The following RCAN2 variants were observed in gnomAD, a reference collection of about 807,000 sequenced individuals.
RCAN2 encodes regulator of calcineurin 2, also known as calcipressin-2.
Under a neutral mutation model 23.6 loss-of-function variants are expected in RCAN2, and 9 were observed. That is an observed-to-expected ratio of 0.38 (90% CI 0.23 to 0.67). The LOEUF is 0.67. Among genes scored for constraint, RCAN2 ranks in the 30% least tolerant of loss-of-function variants. RCAN2 has a pLI of 0.51. For synonymous variants in RCAN2, 109 were observed against 115.7 expected, an observed-to-expected ratio of 0.94 and a Z score of 0.37; for missense variants, 273 against 302.3, an observed-to-expected ratio of 0.90 and a Z score of 0.72.
At chr6:46,236,276 C>T (rs1181311534) in intron 4 of RCAN2, among the ~76,000 whole-genome samples, 1 of 152,176 alleles carries the variant, frequency 6.6e-6, no homozygotes, top group East Asian at 1.9e-4. Context: ...ATAATCTGGT[C>T]TTCAAAATGA....
chr6:46,346,605 A>C (rs568604298), intron 2 of RCAN2, among the ~76,000 whole-genome samples: 29 of 152,232 alleles, frequency 1.9e-4, no homozygotes, highest in African/African-American at 7.0e-4. Context: ...TAAAGGAATT[A>C]GTGTCATGGG....
At chr6:46,253,974 ACTCTAT>A (rs1766821807) in intron 2 of RCAN2, among the ~76,000 whole-genome samples, 1 of 152,172 alleles carries the variant, frequency 6.6e-6, no homozygotes, top group East Asian at 1.9e-4. Context: ...GTGTAAATAC[ACTCTAT>A]CATGTTCACA....
intron 2 of RCAN2, among the ~76,000 whole-genome samples, chr6:46,452,317 A>C (rs1485865227): frequency 1.3e-5 from 2 of 152,184 alleles, no homozygotes; most frequent in African/African-American, 4.8e-5. Flanking sequence ...ATCTAGATGG[A>C]CTAATTTATA....
At chr6:46,392,330 A>G (rs900523746) in intron 2 of RCAN2, among the ~76,000 whole-genome samples, 2 of 152,228 alleles carry the variant, frequency 1.3e-5, no homozygotes, top group African/African-American at 2.4e-5. Context: ...AAAACAGAAG[A>G]GTCGACTTCA....
chr6:46,313,986 T>C (rs1763344804), intron 2 of RCAN2, among the ~76,000 whole-genome samples: 1 of 135,182 alleles, frequency 7.4e-6, no homozygotes, highest in Non-Finnish European at 1.6e-5. Context: ...TCTTATTTAT[T>C]CAAGCAACAA....
chr6:46,291,627 TG>T (rs1762565680), intron 2 of RCAN2, among the ~76,000 whole-genome samples: 1 of 150,988 alleles, frequency 6.6e-6, no homozygotes, highest in African/African-American at 2.5e-5. Context: ...CATAGAAATA[TG>T]CCCCTTACAT....
intron 2 of RCAN2, among the ~76,000 whole-genome samples, chr6:46,251,130 G>A (rs535712847): frequency 6.6e-6 from 1 of 151,962 alleles, no homozygotes; most frequent in Admixed American, 6.6e-5. Context: ...TTCCCATCAC[G>A]AACAAAACAA....
At chr6:46,469,765 G>A (rs1582228393) in intron 1 of RCAN2, among the ~76,000 whole-genome samples, 3 of 152,246 alleles carry the variant, frequency 2.0e-5, no homozygotes, top group Middle Eastern at 6.8e-3. Context: ...CAATGTGATG[G>A]TATTCAGAGG....
chr6:46,269,570 G>A (rs1024932767), intron 2 of RCAN2, among the ~76,000 whole-genome samples: 7 of 152,214 alleles, frequency 4.6e-5, no homozygotes, highest in African/African-American at 1.7e-4. Flanking sequence ...TCTCAAGTGC[G>A]TGGAGATCCT....
chr6:46,483,278 C>T (rs1476913152), intron 1 of RCAN2, among the ~76,000 whole-genome samples: 1 of 152,198 alleles, frequency 6.6e-6, no homozygotes, highest in Non-Finnish European at 1.5e-5. Context: ...AGAGGAGCCA[C>T]AGGAAGCTCT....
At chr6:46,443,363 T>A (rs991731151) in intron 2 of RCAN2, among the ~76,000 whole-genome samples, 6 of 152,142 alleles carry the variant, frequency 3.9e-5, no homozygotes, top group African/African-American at 1.4e-4. Flanking sequence ...TTGTTACAGA[T>A]CCCTAGCGTG....
intron 1 of RCAN2, among the ~76,000 whole-genome samples, chr6:46,475,231 A>G (rs1172122433): frequency 3.9e-5 from 6 of 152,170 alleles, no homozygotes; most frequent in African/African-American, 9.7e-5. Flanking sequence ...GCATGTTGCC[A>G]TCCTCTGCTT....
intron 2 of RCAN2, among the ~76,000 whole-genome samples, chr6:46,252,071 G>A (rs977264115): frequency 6.6e-6 from 1 of 152,072 alleles, no homozygotes; most frequent in African/African-American, 2.4e-5. Context: ...GGTGACAGTT[G>A]TCCAAGAATA....
intron 2 of RCAN2, among the ~76,000 whole-genome samples, chr6:46,415,904 T>C (rs1394126751): frequency 6.6e-6 from 1 of 152,220 alleles, no homozygotes; most frequent in Non-Finnish European, 1.5e-5. Context: ...TATAAAATGA[T>C]GTAATATTTG....
intron 1 of RCAN2, among the ~76,000 whole-genome samples, chr6:46,486,959 CTAAT>C (rs1769007782): frequency 6.6e-6 from 1 of 152,116 alleles, no homozygotes; most frequent in Non-Finnish European, 1.5e-5. Context: ...TATTCCTCAA[CTAAT>C]TAATTTAACT....
Position 46,246,733 on chromosome 6 carries a change from G to T in RCAN2, c.571+15C>A. ...CTGACAAACGTTTATTTTTAAAATG[G>T]ACCGCAAAGCTTACCTGGTCCTAGT... On this transcript the variant is annotated intron_variant, in intron 4 of 4. Transcript: ENST00000371374. 6.2e-7 allele frequency: 1 copy of T among 1,607,048 alleles called. No individual in the cohort carries two copies. Among genetic ancestry groups the T allele is most frequent in the South Asian group, 1.1e-5 (1 of 90,142 alleles).
chr6:46,280,655 G>A (rs541561653), intron 2 of RCAN2, among the ~76,000 whole-genome samples: 1 of 152,312 alleles, frequency 6.6e-6, no homozygotes, highest in South Asian at 2.1e-4. Context: ...TGAAGCCTTG[G>A]AGAATACTGC....
chr6:46,321,401 C>T (rs1360418918), intron 2 of RCAN2, among the ~76,000 whole-genome samples: 1 of 152,242 alleles, frequency 6.6e-6, no homozygotes, highest in African/African-American at 2.4e-5. Flanking sequence ...ATGCTCCACA[C>T]ATGTTTTTGA....
At chr6:46,489,522 T>C (rs901344370) in intron 1 of RCAN2, among the ~76,000 whole-genome samples, 3 of 152,196 alleles carry the variant, frequency 2.0e-5, no homozygotes, top group African/African-American at 7.2e-5. Flanking sequence ...TAAAAAGAAT[T>C]TGTGATATGT....
Sources: gnomAD v4.1 joint callset for allele counts (sites outside exome capture counted in the v4.1 genomes callset) on GRCh38, gnomAD v4.1.1 for gene constraint, MANE v1.5 for transcripts, NCBI Gene and HGNC (gene_info 2026-07-23, HGNC 2026-07-21) for gene names.